The following KCNN2 variants were observed in gnomAD, a reference collection of about 807,000 sequenced individuals.
KCNN2 encodes small conductance calcium-activated potassium channel protein 2.
In KCNN2, 24 loss-of-function variants were observed where a neutral mutation model predicts 55.5. That is an observed-to-expected ratio of 0.43 (90% CI 0.31 to 0.61). KCNN2 has a LOEUF of 0.61. Ranked by LOEUF, KCNN2 falls within the 20% of genes least tolerant of loss-of-function variation. The pLI is 0.08. For missense variants in KCNN2, 754 were observed against 853.6 expected (o/e 0.88, Z 1.45); for synonymous variants, 431 against 336.1 (o/e 1.28, Z -3.09).
At chr5:114,164,067 T>C (rs1752856025) in intron 1 of KCNN2, among the ~76,000 whole-genome samples, 1 of 152,176 alleles carries the variant, frequency 6.6e-6, no homozygotes, top group African/African-American at 2.4e-5. Context: ...GAATTGGTAA[T>C]TTCCAATGAA....
At chr5:114,154,086 A>G (rs564055105) in intron 1 of KCNN2, among the ~76,000 whole-genome samples, 1 of 152,276 alleles carries the variant, frequency 6.6e-6, no homozygotes, top group Admixed American at 6.5e-5. Context: ...CTTTATAAAT[A>G]GCTTCATTAT....
intron 2 of KCNN2, among the ~76,000 whole-genome samples, chr5:114,348,624 A>G (rs1021897640): frequency 6.6e-6 from 1 of 152,184 alleles, no homozygotes; most frequent in Non-Finnish European, 1.5e-5. Flanking sequence ...CCTTATTTAT[A>G]TACTAAAATT....
intron 2 of KCNN2, among the ~76,000 whole-genome samples, chr5:114,400,101 T>A (rs1449087989): frequency 3.3e-5 from 5 of 152,066 alleles, no homozygotes; most frequent in Admixed American, 3.3e-4. Context: ...GGTTTTCTGC[T>A]TCTCAATTTC....
chr5:114,212,830 G>T (rs1753916396), intron 1 of KCNN2, among the ~76,000 whole-genome samples: 1 of 151,928 alleles, frequency 6.6e-6, no homozygotes, highest in Non-Finnish European at 1.5e-5. Flanking sequence ...TCTTGTCTTG[G>T]CCTAATTAGT....
chr5:114,082,372 A>C (rs910450639), intron 1 of KCNN2, among the ~76,000 whole-genome samples: 2 of 152,104 alleles, frequency 1.3e-5, no homozygotes, highest in Non-Finnish European at 2.9e-5. Context: ...GTCACTAGGG[A>C]AATGTGAATC....
At chr5:114,430,013 G>A (rs1260967079) in intron 3 of KCNN2, among the ~76,000 whole-genome samples, 5 of 151,832 alleles carry the variant, frequency 3.3e-5, no homozygotes, top group African/African-American at 9.7e-5. Flanking sequence ...TTAACACACT[G>A]TCTTGATTAA....
At chr5:114,209,227 A>C (rs1257711006) in intron 1 of KCNN2, among the ~76,000 whole-genome samples, 1 of 151,270 alleles carries the variant, frequency 6.6e-6, no homozygotes, top group Non-Finnish European at 1.5e-5. Context: ...GCTAATTTTT[A>C]ATTTTTGCCT....
chr5:114,170,827 G>A (rs1753018129), intron 1 of KCNN2, among the ~76,000 whole-genome samples: 1 of 151,976 alleles, frequency 6.6e-6, no homozygotes, highest in South Asian at 2.1e-4. Context: ...AATTCAGTCA[G>A]ACCTTTAGAA....
intron 3 of KCNN2, among the ~76,000 whole-genome samples, chr5:114,461,620 A>G (rs565175724): frequency 1.3e-4 from 20 of 152,314 alleles, no homozygotes; most frequent in Admixed American, 3.3e-4. Context: ...TGTATGTCCA[A>G]AGATAGAGTG....
chr5:114,313,396 A>G (rs774199207), intron 2 of KCNN2, among the ~76,000 whole-genome samples: 3 of 152,310 alleles, frequency 2.0e-5, no homozygotes, highest in Admixed American at 2.0e-4. Flanking sequence ...AGTCATTTGT[A>G]TGTATATAGC....
intron 3 of KCNN2, among the ~76,000 whole-genome samples, chr5:114,434,920 G>A (rs906150830): frequency 6.6e-6 from 1 of 152,164 alleles, no homozygotes; most frequent in Non-Finnish European, 1.5e-5. Context: ...TTACAGTCTG[G>A]TAAAATAATT....
chr5:114,097,761 G>C (rs992674128), intron 1 of KCNN2, among the ~76,000 whole-genome samples: 1 of 152,202 alleles, frequency 6.6e-6, no homozygotes, highest in Non-Finnish European at 1.5e-5. Context: ...GTGGCCACTA[G>C]CTCCCCCTAG....
intron 2 of KCNN2, among the ~76,000 whole-genome samples, chr5:114,222,089 T>C (rs1754151090): frequency 6.6e-6 from 1 of 152,238 alleles, no homozygotes; most frequent in Non-Finnish European, 1.5e-5. Context: ...TGCCTCATTG[T>C]CTAGTTGCCA....
At chr5:114,134,384 A>C (rs964993786) in intron 1 of KCNN2, among the ~76,000 whole-genome samples, 1 of 151,494 alleles carries the variant, frequency 6.6e-6, no homozygotes, top group Non-Finnish European at 1.5e-5. Context: ...AGCTTGACTT[A>C]TATGTTGTTT....
chr5:114,324,216 G>T (rs1756673185), intron 2 of KCNN2, among the ~76,000 whole-genome samples: 1 of 152,090 alleles, frequency 6.6e-6, no homozygotes, highest in Non-Finnish European at 1.5e-5. Context: ...ATAGTATTGT[G>T]GTAAGCAGAA....
intron 1 of KCNN2, among the ~76,000 whole-genome samples, chr5:114,204,620 G>T (rs1753733598): frequency 6.6e-6 from 1 of 152,122 alleles, no homozygotes; most frequent in Admixed American, 6.5e-5. Flanking sequence ...AAATGAGTAT[G>T]AAAGTTCTTC....
At chr5:114,265,162 T>C (rs1482424314) in intron 2 of KCNN2, among the ~76,000 whole-genome samples, 2 of 152,154 alleles carry the variant, frequency 1.3e-5, no homozygotes. Context: ...GTAACTTTTC[T>C]ATATCCCCAA....
At chr5:114,348,162 T>G (rs1255690746) in intron 2 of KCNN2, among the ~76,000 whole-genome samples, 1 of 151,700 alleles carries the variant, frequency 6.6e-6, no homozygotes, top group Non-Finnish European at 1.5e-5. Context: ...ACCAAAAACC[T>G]CTACAAAAGG....
chr5:114,285,241 G>T (rs1755715996), intron 2 of KCNN2, among the ~76,000 whole-genome samples: 1 of 133,524 alleles, frequency 7.5e-6, no homozygotes, highest in Admixed American at 8.7e-5. Flanking sequence ...CTGAGATCAT[G>T]CCACTGCACT....
Sources: allele counts gnomAD v4.1 joint callset (sites outside exome capture counted in the v4.1 genomes callset), GRCh38; gene constraint gnomAD v4.1.1; transcripts MANE v1.5; gene names NCBI Gene and HGNC (gene_info 2026-07-23, HGNC 2026-07-21).